SUPT20H: variants seen among roughly 807,000 people sequenced by gnomAD.
SUPT20H encodes transcription factor SPT20 homolog.
Under a neutral mutation model 122.8 loss-of-function variants are expected in SUPT20H, and 82 were observed. The observed-to-expected ratio is 0.67, with a 90% CI of 0.56 to 0.80. The LOEUF is 0.80. Among genes scored for constraint, SUPT20H ranks in the 30% least tolerant of loss-of-function variants. The pLI is 0.00. For missense variants in SUPT20H, 831 were observed against 921.6 expected (o/e 0.90, Z 1.27); for synonymous variants, 291 against 313.0 (o/e 0.93, Z 0.74).
intron 19 of SUPT20H, chr13:37,023,022 TTTTC>T: frequency 7.8e-7 from 1 of 1,281,932 alleles, no homozygotes; most frequent in Non-Finnish European, 1.0e-6. Context: ...TCTTGAGGTG[TTTTC>T]TTTTTTAGCT....
chr13:37,058,425 TG>T, intron 1 of SUPT20H, among the ~76,000 whole-genome samples: 1 of 152,326 alleles, frequency 6.6e-6, no homozygotes, highest in Admixed American at 6.5e-5. Context: ...GAAAATTTTC[TG>T]ACCACTGAAT....
chr13:37,040,575 C>T lies in SUPT20H; in HGVS notation c.513+1G>A, dbSNP rs200854445. On this transcript the variant is annotated splice_donor_variant, in intron 8 of 25. Coordinates refer to ENST00000350612, the MANE Select transcript of SUPT20H (RefSeq NM_001014286.3). LOFTEE classifies it high-confidence loss of function. ...AGTATTTCTTAATTAAACATCCTTA[C>T]CTGCATTGTTGGACGTAAGAGAATG... is the stretch of plus-strand genomic sequence containing the variant. The T allele has an allele frequency of 1.2e-6, 2 of 1,612,984 alleles. No homozygotes were observed. Among genetic ancestry groups the T allele is most frequent in the East Asian group, 2.2e-5 (1 of 44,858 alleles).
intron 20 of SUPT20H, 64 bp from the exon 21 acceptor site, chr13:37,021,666 C>G (rs1415826529): frequency 1.3e-6 from 2 of 1,496,578 alleles, no homozygotes; most frequent in African/African-American, 2.8e-5. Context: ...CCACACAATT[C>G]CTCAGATTAA....
chr13:37,035,284 C>T (rs2064124640), intron 9 of SUPT20H, among the ~76,000 whole-genome samples: 1 of 152,162 alleles, frequency 6.6e-6, no homozygotes. Context: ...TAAGAACATG[C>T]ATGATTCATG....
At chr13:37,027,047 T>G (rs1164611346) in intron 14 of SUPT20H, among the ~76,000 whole-genome samples, 2 of 152,098 alleles carry the variant, frequency 1.3e-5, no homozygotes, top group Non-Finnish European at 2.9e-5. Flanking sequence ...CCTTGTGTTC[T>G]ACAAAAATAA....
At chr13:37,047,247 G>T in intron 5 of SUPT20H, 1 of 180,366 alleles carries the variant, frequency 5.5e-6, no homozygotes, top group South Asian at 1.5e-4. Flanking sequence ...ATCACTTCTC[G>T]GGGGAAGAAG....
rs1309031458 is a variant in SUPT20H, at chr13:37,033,458, G to A, written c.698C>T (p.Pro233Leu). 6.2e-7 allele frequency: 1 copy of A among 1,609,750 alleles called. No individual in the cohort carries two copies. The highest frequency in any genetic ancestry group is 8.5e-7 in the Non-Finnish European group (1 of 1,177,936). ...LYNKQKMNTR[P>L]MKRCFKRYSR... ...CCACAAAGGCAATTACCGTTTCATT[G>A]GGCGAGTGTTCATCTTTTGCTTGTT... The change falls in exon 10 of 26, where the codon CCA becomes CTA. Residue 233 changes from proline to leucine, a missense_variant. Coordinates refer to ENST00000350612, the MANE Select transcript of SUPT20H (RefSeq NM_001014286.3).
intron 1 of SUPT20H, among the ~76,000 whole-genome samples, chr13:37,052,875 G>C (rs554833682): frequency 1.3e-5 from 2 of 152,040 alleles, no homozygotes; most frequent in Admixed American, 1.3e-4. Context: ...GGATATGAAC[G>C]GACACTTCTC....
intron 23 of SUPT20H, among the ~76,000 whole-genome samples, chr13:37,016,233 A>G (rs2060460838): frequency 6.6e-6 from 1 of 151,966 alleles, no homozygotes; most frequent in South Asian, 2.1e-4. Flanking sequence ...GATCAAGACT[A>G]TCCTAACATG....
intron 9 of SUPT20H, among the ~76,000 whole-genome samples, chr13:37,036,634 A>G (rs1422923229): frequency 1.3e-5 from 2 of 151,910 alleles, no homozygotes; most frequent in African/African-American, 2.4e-5. Context: ...GATTTTTTTC[A>G]ATACAAGTTA....
chr13:37,022,381 G>T lies in SUPT20H; in HGVS notation c.1592-301C>A. 2.2e-6 allele frequency: 3 copies of T among 1,335,472 alleles called. No homozygotes were observed. The highest frequency in any genetic ancestry group is 3.5e-5 in the Admixed American group (1 of 28,684). 82.7% of individuals were successfully genotyped at this position (1,335,472 alleles called of 1,614,324 possible). ...AAATGGCCAGTCCTTTTAAAATAAGGTTAATGGAATCTTACTTAGCACTGA... is the reference window on the plus strand; with the variant it reads ...AAATGGCCAGTCCTTTTAAAATAAGTTTAATGGAATCTTACTTAGCACTGA... On this transcript the variant is annotated intron_variant, in intron 19 of 25. Transcript: ENST00000350612. The surrounding 1 kb of genome is among the most constrained non-coding windows in gnomAD (Gnocchi z 4.5).
intron 2 of SUPT20H, among the ~76,000 whole-genome samples, chr13:37,050,366 A>AC (rs1555315005): frequency 6.6e-6 from 1 of 151,010 alleles, no homozygotes; most frequent in Non-Finnish European, 1.5e-5. Flanking sequence ...AAAAAAAAAA[A>AC]AAAACTTATA....
At chr13:37,009,923 A>C in intron 25 of SUPT20H, 114 bp from the exon 26 acceptor site, 1 of 1,400,504 alleles carries the variant, frequency 7.1e-7, no homozygotes, top group Middle Eastern at 2.1e-4. Flanking sequence ...CACCAAGATA[A>C]CAAAAAGGGA....
chr13:37,023,555 GTT>G (rs1264456264), intron 19 of SUPT20H: 1 of 152,476 alleles, frequency 6.6e-6, no homozygotes, highest in Non-Finnish European at 1.5e-5. Context: ...GTGTAGGAGT[GTT>G]TTTGAAATAT....
intron 9 of SUPT20H, among the ~76,000 whole-genome samples, chr13:37,037,503 T>A (rs1368384667): frequency 1.3e-5 from 2 of 152,156 alleles, no homozygotes; most frequent in African/African-American, 4.8e-5. Flanking sequence ...GTTGTAAGAG[T>A]GGCTACTCAT....
intron 2 of SUPT20H, 45 bp from the exon 3 acceptor site, chr13:37,048,644 CA>C (rs760598285): frequency 1.3e-6 from 2 of 1,524,064 alleles, no homozygotes; most frequent in South Asian, 1.2e-5. Context: ...GTTATTTCCA[CA>C]AAAAAATTTA....
intron 17 of SUPT20H, 118 bp downstream of exon 17, chr13:37,025,202 A>G: frequency 1.1e-6 from 1 of 890,912 alleles, no homozygotes; most frequent in Non-Finnish European, 1.8e-6. Flanking sequence ...TTGGCCTCCC[A>G]AAGTGTTGGG....
In SUPT20H at chr13:37,031,829, A is replaced by G; in HGVS notation, c.774T>C (p.Pro258=). Residue 258 remains proline (P), a synonymous_variant, in exon 11 of 26, where the codon CCT becomes CCC. Coordinates refer to ENST00000350612, the MANE Select transcript of SUPT20H (RefSeq NM_001014286.3). ...AGAAATCAAGTAACCTCAGCTGAGG[A>G]GGAGGTGGACAATGAGATAGATCTT... ...RQQDLSHCPP[P]PQLRLLDFLQ... 3.7e-6 allele frequency: 6 copies of G among 1,611,144 alleles called. No homozygotes were observed. The highest frequency in any genetic ancestry group is 1.3e-5 in the African/African-American group (1 of 74,880).
chr13:37,023,157 G>T, intron 19 of SUPT20H: 1 of 977,804 alleles, frequency 1.0e-6, no homozygotes, highest in Non-Finnish European at 1.3e-6. Context: ...AACATAAGAA[G>T]TGTGAATAAG....
Sources: allele counts gnomAD v4.1 joint callset (sites outside exome capture counted in the v4.1 genomes callset), GRCh38; gene constraint gnomAD v4.1.1; non-coding constraint Gnocchi (gnomAD v3.1); transcripts MANE v1.5; gene names NCBI Gene and HGNC (gene_info 2026-07-23, HGNC 2026-07-21).